The following TNR variants were observed in gnomAD, a reference collection of about 807,000 sequenced individuals.
TNR encodes tenascin R, also known as tenascin-R.
Under a neutral mutation model 150.4 loss-of-function variants are expected in TNR, and 45 were observed. The ratio of observed to expected loss-of-function variants is 0.30; its 90% CI spans 0.24 to 0.38. The LOEUF (loss-of-function observed/expected upper bound fraction) is 0.38, where lower values mean the gene tolerates loss of function less well. Among genes scored for constraint, TNR ranks in the 10% least tolerant of loss-of-function variants. TNR has a pLI of 1.00. For missense variants in TNR, 1,544 were observed against 1,759.1 expected (o/e 0.88, Z 2.19); for synonymous variants, 687 against 678.4 (o/e 1.01, Z -0.20).
chr1:175,544,085 A>T (rs1660598685), intron 1 of TNR, among the ~76,000 whole-genome samples: 1 of 152,224 alleles, frequency 6.6e-6, no homozygotes, highest in Admixed American at 6.5e-5. Flanking sequence ...TGGTTATGAA[A>T]AACCTTGAAT....
At chr1:175,412,983 T>A (rs1654277371) in intron 2 of TNR, among the ~76,000 whole-genome samples, 1 of 152,224 alleles carries the variant, frequency 6.6e-6, no homozygotes. Flanking sequence ...TTCTTCTGTA[T>A]TGCAAAGAAT....
intron 2 of TNR, among the ~76,000 whole-genome samples, chr1:175,521,899 TG>T (rs1369587527): frequency 6.6e-6 from 1 of 152,246 alleles, no homozygotes. Flanking sequence ...ACTGCTATTT[TG>T]TTTGTTTCCT....
At chr1:175,394,154 G>T (rs992751970) in intron 5 of TNR, among the ~76,000 whole-genome samples, 2 of 152,190 alleles carry the variant, frequency 1.3e-5, no homozygotes, top group Admixed American at 1.3e-4. Context: ...GCTTTTTATT[G>T]CATTAATAGG....
At chr1:175,707,520 A>G (rs1666873566) in intron 1 of TNR, among the ~76,000 whole-genome samples, 1 of 152,216 alleles carries the variant, frequency 6.6e-6, no homozygotes, top group Non-Finnish European at 1.5e-5. Flanking sequence ...ACACTGAGCT[A>G]CAAACTGTCC....
chr1:175,521,442 C>T (rs1659635784), intron 2 of TNR, among the ~76,000 whole-genome samples: 1 of 152,172 alleles, frequency 6.6e-6, no homozygotes, highest in African/African-American at 2.4e-5. Flanking sequence ...ATTACTGAGG[C>T]AACAAAACCC....
rs573605692 is a variant in TNR at position 175,518,480 on chromosome 1, T to C, written c.-64+9789A>G. Among the ~76,000 whole-genome samples, 13 of 152,244 alleles carry C rather than the reference T, an allele frequency of 8.5e-5. No homozygotes were observed. The South Asian group carries it at 2.7e-3, about 32-fold the overall frequency. ...TGATTTTCATGGGGTCATCATCTTT[T>C]CCATTAATGTCATTATCATATTCCA... is the stretch of plus-strand genomic sequence containing the variant. On this transcript the variant is annotated intron_variant, in intron 2 of 22. Coordinates refer to ENST00000367674, the MANE Select transcript of TNR (RefSeq NM_003285.3).
intron 8 of TNR, among the ~76,000 whole-genome samples, chr1:175,382,336 T>C (rs923625448): frequency 2.6e-5 from 4 of 152,174 alleles, no homozygotes; most frequent in African/African-American, 9.6e-5. Context: ...TTGAGAATGC[T>C]TGGGGTGAGA....
At chr1:175,712,574 C>T (rs767790226) in intron 1 of TNR, among the ~76,000 whole-genome samples, 3 of 151,962 alleles carry the variant, frequency 2.0e-5, no homozygotes, top group Non-Finnish European at 4.4e-5. Flanking sequence ...AATTATAATC[C>T]CCAATGCTGG....
rs561922765 is a variant in TNR at position 175,515,779 on chromosome 1, G to T, written c.-64+12490C>A. On this transcript the variant is annotated intron_variant, in intron 2 of 22. Transcript: ENST00000367674. ...TGCAGGTAGGCCAGATGGGAACAAAGGGAATTTCAGAGTCTGAATGGGGCT... is the reference window on the plus strand; with the variant it reads ...TGCAGGTAGGCCAGATGGGAACAAATGGAATTTCAGAGTCTGAATGGGGCT... Among the ~76,000 whole-genome samples, 4 of 152,274 alleles carry T rather than the reference G, an allele frequency of 2.6e-5. No individual in the cohort carries two copies. The South Asian group carries it at 8.3e-4, about 32-fold the overall frequency.
intron 5 of TNR, among the ~76,000 whole-genome samples, chr1:175,394,782 T>C (rs1387440927): frequency 5.9e-5 from 9 of 152,218 alleles, no homozygotes; most frequent in Admixed American, 1.3e-4. Context: ...GCAAGCCCAC[T>C]TGAAGTTGTG....
At chr1:175,692,052 G>T (rs1389197395) in intron 1 of TNR, among the ~76,000 whole-genome samples, 1 of 152,178 alleles carries the variant, frequency 6.6e-6, no homozygotes, top group Admixed American at 6.5e-5. Context: ...AAGTAGTTCG[G>T]TTCCCATGAC....
chr1:175,678,020 A>G (rs2101907918), intron 1 of TNR, among the ~76,000 whole-genome samples: 1 of 152,142 alleles, frequency 6.6e-6, no homozygotes, highest in South Asian at 2.1e-4. Flanking sequence ...GTTCTAGACA[A>G]TCATAAAGAA....
At chr1:175,550,985 G>A (rs928996744) in intron 1 of TNR, among the ~76,000 whole-genome samples, 3 of 152,078 alleles carry the variant, frequency 2.0e-5, no homozygotes, top group African/African-American at 7.2e-5. Context: ...TAGAAAATAG[G>A]AAAGAAAAGA....
intron 1 of TNR, among the ~76,000 whole-genome samples, chr1:175,637,553 A>T (rs1332471489): frequency 6.6e-6 from 1 of 152,226 alleles, no homozygotes; most frequent in Non-Finnish European, 1.5e-5. Flanking sequence ...AAGAAAAAAA[A>T]TAGAGAATCC....
At chr1:175,419,428 G>A (rs772011745) in intron 2 of TNR, among the ~76,000 whole-genome samples, 3 of 152,050 alleles carry the variant, frequency 2.0e-5, no homozygotes, top group Non-Finnish European at 2.9e-5. Flanking sequence ...CCCAAAGTTC[G>A]TGTGGGATCC....
chr1:175,496,511 T>C (rs934362562), intron 2 of TNR, among the ~76,000 whole-genome samples: 4 of 152,252 alleles, frequency 2.6e-5, no homozygotes, highest in Admixed American at 6.5e-5. Flanking sequence ...TCTCATTTTC[T>C]GTCTTGCTGG....
At position 175,321,866 on chromosome 1, in the gene TNR, T is replaced by C. The variant is rs1191220029; in HGVS notation, c.*1491A>G. 1 of 151,790 alleles carries C rather than the reference T, an allele frequency of 6.6e-6. No individual in the cohort carries two copies. The highest frequency in any genetic ancestry group is 1.5e-5 in the Non-Finnish European group (1 of 67,954). 9.4% of individuals were successfully genotyped at this position (151,790 alleles called of 1,614,324 possible). A position where few individuals can be genotyped will look rare whatever the true frequency, so the allele number is the denominator to read the frequency against. On this transcript the variant is annotated 3_prime_UTR_variant, in exon 23 of 23. Transcript: ENST00000367674. ...TTAAGAAGGTCATTCCTGTTTCCCA[T>C]AGGACCAAAAAAGAAAAAAAAAATC...
chr1:175,546,917 C>T (rs1263675075), intron 1 of TNR, among the ~76,000 whole-genome samples: 2 of 152,146 alleles, frequency 1.3e-5, no homozygotes, highest in African/African-American at 2.4e-5. Context: ...TCAATTTTTT[C>T]CCAGATAAGG....
intron 1 of TNR, among the ~76,000 whole-genome samples, chr1:175,711,039 T>A (rs1240557467): frequency 1.3e-5 from 2 of 152,156 alleles, no homozygotes; most frequent in Admixed American, 1.3e-4. Context: ...GGACTCATGA[T>A]GTGTGAAATA....
Sources: allele counts gnomAD v4.1 joint callset (sites outside exome capture counted in the v4.1 genomes callset), GRCh38; gene constraint gnomAD v4.1.1; transcripts MANE v1.5; gene names NCBI Gene and HGNC (gene_info 2026-07-23, HGNC 2026-07-21).